The following TPTE2 variants were observed in gnomAD, a reference collection of about 807,000 sequenced individuals.
TPTE2 encodes the protein phosphatidylinositol 3,4,5-trisphosphate 3-phosphatase TPTE2.
A neutral mutation model predicts 78.6 loss-of-function variants in TPTE2; 53 were observed. The ratio of observed to expected loss-of-function variants is 0.67; its 90% CI spans 0.54 to 0.85. The LOEUF (loss-of-function observed/expected upper bound fraction) is 0.85, where lower values mean the gene tolerates loss of function less well. Among genes scored for constraint, TPTE2 ranks in the 40% least tolerant of loss-of-function variants. TPTE2 has a pLI of 0.00. For missense variants in TPTE2, 461 were observed against 623.0 expected (o/e 0.74, Z 2.77); for synonymous variants, 175 against 206.2 (o/e 0.85, Z 1.30).
chr13:19,558,700 C>T, the TPTE2 span, among the ~76,000 whole-genome samples: 1 of 152,084 alleles, frequency 6.6e-6, no homozygotes, highest in Non-Finnish European at 1.5e-5. Context: ...TGATCAAAAC[C>T]TTTTGTTTTT....
chr13:19,452,988 TTATTTTATTTTATTTTATTTTATG>T (rs1451896465), intron 10 of TPTE2, among the ~76,000 whole-genome samples: 541 of 8,890 alleles, frequency 0.061, 1 homozygote, highest in South Asian at 0.11. Flanking sequence ...TTTATTTTAT[TTATTTTATTTTATTTTATTTTATG>T]TTATTTTATG....
chr13:19,458,940 A>G (rs1878713807), intron 10 of TPTE2, among the ~76,000 whole-genome samples: 1 of 152,096 alleles, frequency 6.6e-6, no homozygotes, highest in Admixed American at 6.6e-5. Context: ...ATACCCCATA[A>G]TGGGATTGCT....
At chr13:19,528,204 A>G (rs1321178031) in intron 1 of TPTE2, among the ~76,000 whole-genome samples, 5 of 133,142 alleles carry the variant, frequency 3.8e-5, no homozygotes, top group Non-Finnish European at 8.2e-5. Context: ...CTATGTGGTG[A>G]AACCCCTTCT....
intron 1 of TPTE2, among the ~76,000 whole-genome samples, chr13:19,512,263 G>C (rs1869501000): frequency 6.6e-6 from 1 of 152,174 alleles, no homozygotes; most frequent in African/African-American, 2.4e-5. Context: ...AAAAGAGTCT[G>C]ATGAATAACT....
intron 1 of TPTE2, among the ~76,000 whole-genome samples, chr13:19,513,067 T>A (rs1869557523): frequency 6.6e-6 from 1 of 152,082 alleles, no homozygotes; most frequent in South Asian, 2.1e-4. Flanking sequence ...ATTCAAACTA[T>A]AAAAAAAATT....
Position 19,486,646 on chromosome 13 carries a change from C to A in TPTE2, c.120-4099G>T, listed in dbSNP as rs576447061. On this transcript the variant is annotated intron_variant, in intron 3 of 19. Coordinates refer to ENST00000400230, the Ensembl canonical transcript of TPTE2. This position sits in a 1 kb window ranked among gnomAD's most constrained non-coding sequence, Gnocchi z 4.3. ...GGTATGTGGGTACACAGCTGCTCATCTGGCCTGCAGCCAGTCTGCTGGGGG... is the reference window on the plus strand; with the variant it reads ...GGTATGTGGGTACACAGCTGCTCATATGGCCTGCAGCCAGTCTGCTGGGGG... Among the ~76,000 whole-genome samples, 2 of 152,308 alleles carry A rather than the reference C, an allele frequency of 1.3e-5. No homozygotes were observed. The highest frequency in any genetic ancestry group is 3.9e-4 in the East Asian group (2 of 5,168).
the TPTE2 span, among the ~76,000 whole-genome samples, chr13:19,559,724 C>A: frequency 7.0e-6 from 1 of 142,392 alleles, no homozygotes; most frequent in South Asian, 2.4e-4. Flanking sequence ...TCCCACACAT[C>A]CCCTGCAGCC....
Position 19,467,417 on chromosome 13 carries a change from A to G in TPTE2, c.393-73T>C, listed in dbSNP as rs1347087545. 24 of 1,208,394 alleles carry G rather than the reference A, an allele frequency of 2.0e-5. 1 individual carries two copies. The highest frequency in any genetic ancestry group is 2.5e-5 in the Non-Finnish European group (23 of 911,692). 74.9% of individuals were successfully genotyped at this position (1,208,394 alleles called of 1,614,324 possible). On this transcript the variant is annotated intron_variant, in intron 6 of 19. Transcript: ENST00000400230. ...AGAGACAGGAATATTTAAAGACCAC[A>G]AACTACTGACTCATCCCCATTAAGA...
chr13:19,490,019 G>A (rs1483217435), intron 3 of TPTE2, among the ~76,000 whole-genome samples: 1 of 152,096 alleles, frequency 6.6e-6, no homozygotes, highest in Non-Finnish European at 1.5e-5. Flanking sequence ...CTCTGAAAAT[G>A]TATATGTCAA....
At chr13:19,522,819 G>A (rs1193438367) in intron 1 of TPTE2, among the ~76,000 whole-genome samples, 1 of 151,258 alleles carries the variant, frequency 6.6e-6, no homozygotes, top group African/African-American at 2.4e-5. Context: ...GTAGAGACAG[G>A]GTTTCACCAC....
chr13:19,548,795 GC>G, the TPTE2 span, among the ~76,000 whole-genome samples: 5 of 151,888 alleles, frequency 3.3e-5, no homozygotes, highest in African/African-American at 4.8e-5. Flanking sequence ...CTAGACAACA[GC>G]CCAGGCAAGG....
In TPTE2 at chr13:19,450,191, T is replaced by G. The variant is rs756390872; in HGVS notation, c.885-27A>C. On this transcript the variant is annotated intron_variant, in intron 12 of 19. Coordinates refer to ENST00000400230, the Ensembl canonical transcript of TPTE2. ...TGATTTCAAGTTTAAGATTTTTAGT[T>G]AAAATATTTTCAAAAAATCAAGCCC... 5.0e-6 allele frequency: 8 copies of G among 1,610,492 alleles called. No homozygotes were observed. In the Admixed American group the frequency reaches 1.3e-4, roughly 27 times the overall value.
At chr13:19,495,333 G>C (rs1303189382) in intron 1 of TPTE2, among the ~76,000 whole-genome samples, 1 of 152,176 alleles carries the variant, frequency 6.6e-6, no homozygotes, top group African/African-American at 2.4e-5. Flanking sequence ...TCTTTGTTTT[G>C]GCTGGGATTT....
At position 19,440,815 on chromosome 13, in the gene TPTE2, G is replaced by A. The variant is rs1016873248; in HGVS notation, c.974-2662C>T. 1.2e-4 allele frequency among the ~76,000 whole-genome samples: 18 copies of A among 148,456 alleles called. 1 individual carries two copies. Among genetic ancestry groups the A allele is most frequent in the African/African-American group, 4.5e-4 (18 of 40,158 alleles). The stretch of plus-strand genomic sequence containing the variant: ...AACAAACAAAAAACAGGCTGGGCAC[G>A]GTGGCTCATGCCTGTAATCCCAGCA... On this transcript the variant is annotated intron_variant, in intron 13 of 19. Coordinates refer to ENST00000400230, the Ensembl canonical transcript of TPTE2.
chr13:19,464,387 A>T, intron 10 of TPTE2, 69 bp downstream of exon 13: 2 of 1,424,596 alleles, frequency 1.4e-6, no homozygotes, highest in Non-Finnish European at 2.0e-6. Context: ...ATCTGGGTCA[A>T]TATTAAACTT....
intron 19 of TPTE2, 91 bp downstream of exon 22, chr13:19,424,856 T>C: frequency 2.4e-6 from 2 of 847,220 alleles, no homozygotes; most frequent in Non-Finnish European, 3.6e-6. Context: ...ATAAATTAAG[T>C]TTATGACAAC....
At chr13:19,541,361 G>A (rs1871431881), upstream of TPTE2, among the ~76,000 whole-genome samples, 1 of 152,204 alleles carries the variant, frequency 6.6e-6, no homozygotes, top group Admixed American at 6.5e-5. Context: ...TTGTAAGCAT[G>A]TCTCAGGTCT....
intron 1 of TPTE2, among the ~76,000 whole-genome samples, chr13:19,533,883 A>T (rs1871035858): frequency 6.6e-6 from 1 of 152,218 alleles, no homozygotes; most frequent in African/African-American, 2.4e-5. Flanking sequence ...TTGCCCTCTG[A>T]ACTGTTCAAT....
chr13:19,558,472 T>G, the TPTE2 span, among the ~76,000 whole-genome samples: 1 of 152,218 alleles, frequency 6.6e-6, no homozygotes, highest in Admixed American at 6.5e-5. Flanking sequence ...TCTTAAGAAT[T>G]GTTGCACCTC....
Sources: allele counts gnomAD v4.1 joint callset (sites outside exome capture counted in the v4.1 genomes callset), GRCh38; gene constraint gnomAD v4.1.1; non-coding constraint Gnocchi (gnomAD v3.1); transcripts MANE v1.5; gene names NCBI Gene and HGNC (gene_info 2026-07-23, HGNC 2026-07-21).